IL1RAPL1: variants seen among roughly 807,000 people sequenced by gnomAD.
The protein encoded by IL1RAPL1 is interleukin-1 receptor accessory protein-like 1.
Under a neutral mutation model 48.4 loss-of-function variants are expected in IL1RAPL1, and 3 were observed. That is an observed-to-expected ratio of 0.06 (90% confidence interval 0.03 to 0.16). The LOEUF is 0.16. Ranked by LOEUF, IL1RAPL1 falls within the 10% of genes least tolerant of loss-of-function variation. IL1RAPL1 has a pLI of 1.00. For synonymous variants in IL1RAPL1, 185 were observed against 187.7 expected, an observed-to-expected ratio of 0.99 and a Z score of 0.12; for missense variants, 349 against 530.6, an observed-to-expected ratio of 0.66 and a Z score of 3.36.
At chrX:29,919,197 T>C (rs1406353374) in intron 7 of IL1RAPL1, among the ~76,000 whole-genome samples, 1 of 112,254 alleles carries the variant, frequency 8.9e-6, no homozygotes, top group Admixed American at 9.4e-5. Context: ...ATTTTTCTGC[T>C]GATTTTCGTA....
chrX:28,752,738 G>A (rs1162899184), intron 1 of IL1RAPL1, among the ~76,000 whole-genome samples: 2 of 112,207 alleles, frequency 1.8e-5, no homozygotes, highest in Non-Finnish European at 3.8e-5. Context: ...TGATAACAGA[G>A]GAGAGCATGG....
At chrX:29,234,705 C>A (rs1476144737) in intron 2 of IL1RAPL1, among the ~76,000 whole-genome samples, 1 of 111,774 alleles carries the variant, frequency 8.9e-6, no homozygotes, top group Non-Finnish European at 1.9e-5. Flanking sequence ...TAGAGTAAAA[C>A]CTTGGGTTTA....
At chrX:29,918,123 CAAAAAA>C (rs781348669) in intron 7 of IL1RAPL1, among the ~76,000 whole-genome samples, 1 of 7,818 alleles carries the variant, frequency 1.3e-4, no homozygotes, top group Non-Finnish European at 1.9e-4. Context: ...ACTCTGTCTC[CAAAAAA>C]AAAAAAAAAA....
chrX:29,281,453 G>A (rs1932200184), intron 2 of IL1RAPL1, among the ~76,000 whole-genome samples: 1 of 110,862 alleles, frequency 9.0e-6, no homozygotes, highest in Non-Finnish European at 1.9e-5. Context: ...GATGTCATTT[G>A]GAAGATGGTA....
At chrX:28,738,469 G>A (rs968078732) in intron 1 of IL1RAPL1, among the ~76,000 whole-genome samples, 1 of 111,255 alleles carries the variant, frequency 9.0e-6, no homozygotes, top group Non-Finnish European at 1.9e-5. Context: ...ATTAAAACTG[G>A]GGGAGAGTTA....
intron 5 of IL1RAPL1, among the ~76,000 whole-genome samples, chrX:29,607,809 G>A (rs963008410): frequency 9.0e-6 from 1 of 110,828 alleles, no homozygotes; most frequent in Non-Finnish European, 1.9e-5. Flanking sequence ...TCTTATCAAA[G>A]ATAATCTCAT....
chrX:29,637,696 A>G (rs769181221), intron 5 of IL1RAPL1, among the ~76,000 whole-genome samples: 41 of 111,627 alleles, frequency 3.7e-4, no homozygotes, highest in Non-Finnish European at 5.6e-4. Context: ...CTTTCTGCCT[A>G]TGGAGTTTAT....
intron 5 of IL1RAPL1, among the ~76,000 whole-genome samples, chrX:29,413,163 TG>T (rs770898435): frequency 7.4e-4 from 82 of 111,024 alleles, no homozygotes; most frequent in African/African-American, 2.7e-3. Context: ...CACGCTCTCT[TG>T]CCTGCTGCCA....
intron 6 of IL1RAPL1, among the ~76,000 whole-genome samples, chrX:29,776,812 C>T (rs189819890): frequency 6.3e-5 from 7 of 111,439 alleles, no homozygotes. Context: ...TATATGAGAC[C>T]AAATACTCAC....
chrX:29,060,057 AT>A (rs776220908), intron 2 of IL1RAPL1, among the ~76,000 whole-genome samples: 1 of 112,143 alleles, frequency 8.9e-6, no homozygotes, highest in East Asian at 2.8e-4. Context: ...AGAATTACAC[AT>A]TCAAACTAAA....
intron 1 of IL1RAPL1, among the ~76,000 whole-genome samples, chrX:28,733,655 C>T (rs754519631): frequency 2.0e-4 from 22 of 111,440 alleles, no homozygotes; most frequent in African/African-American, 6.2e-4. Flanking sequence ...CTGATTTTGT[C>T]GACTCTCGTA....
intron 3 of IL1RAPL1, among the ~76,000 whole-genome samples, chrX:29,338,971 G>A (rs1235503913): frequency 3.6e-5 from 4 of 109,672 alleles, no homozygotes; most frequent in Non-Finnish European, 7.6e-5. Context: ...TGATTGGCCA[G>A]TCTTGGGTCA....
intron 2 of IL1RAPL1, among the ~76,000 whole-genome samples, chrX:29,068,206 G>T (rs746101681): frequency 8.9e-6 from 1 of 112,393 alleles, no homozygotes; most frequent in African/African-American, 3.2e-5. Context: ...TTAAAACTCA[G>T]AATTATTTTT....
chrX:29,101,227 A>G (rs968780017), intron 2 of IL1RAPL1, among the ~76,000 whole-genome samples: 3 of 112,351 alleles, frequency 2.7e-5, no homozygotes, highest in Admixed American at 9.5e-5. Context: ...ATGAGCAACT[A>G]TATGCCAATT....
chrX:28,591,829 G>A (rs1601827391), intron 1 of IL1RAPL1, among the ~76,000 whole-genome samples: 1 of 111,152 alleles, frequency 9.0e-6, no homozygotes, highest in East Asian at 2.8e-4. Context: ...ATTTCTCAGT[G>A]TTCCAGAGAA....
chrX:29,563,835 T>A (rs1389054587), intron 5 of IL1RAPL1, among the ~76,000 whole-genome samples: 1 of 112,251 alleles, frequency 8.9e-6, no homozygotes, highest in Non-Finnish European at 1.9e-5. Context: ...CTGTATCTAA[T>A]GCTAGTGTCT....
At chrX:29,364,562 CAAA>C (rs766680904) in intron 3 of IL1RAPL1, among the ~76,000 whole-genome samples, 2 of 43,576 alleles carry the variant, frequency 4.6e-5, no homozygotes, top group Admixed American at 3.1e-4. Flanking sequence ...GACTCTATCT[CAAA>C]AAAAAAAAAA....
intron 5 of IL1RAPL1, among the ~76,000 whole-genome samples, chrX:29,587,342 A>G (rs1187430397): frequency 1.1e-5 from 1 of 87,001 alleles, no homozygotes; most frequent in Non-Finnish European, 2.1e-5. Flanking sequence ...AGAAACAGAG[A>G]GTAGAATGGT....
intron 5 of IL1RAPL1, among the ~76,000 whole-genome samples, chrX:29,422,851 CA>C (rs1264264217): frequency 9.0e-6 from 1 of 111,473 alleles, no homozygotes; most frequent in Non-Finnish European, 1.9e-5. Context: ...CCACAACCAA[CA>C]GAATGGACCC....
Sources: allele counts gnomAD v4.1 joint callset (sites outside exome capture counted in the v4.1 genomes callset), GRCh38; gene constraint gnomAD v4.1.1; transcripts MANE v1.5; gene names NCBI Gene and HGNC (gene_info 2026-07-23, HGNC 2026-07-21).